METTL15: variants seen among roughly 807,000 people sequenced by gnomAD.
The protein encoded by METTL15 is methyltransferase 15, mitochondrial 12S rRNA N4-cytidine, also known as 12S rRNA N(4)-cytidine methyltransferase METTL15.
In METTL15, 34 loss-of-function variants were observed where a neutral mutation model predicts 38.3. The ratio of observed to expected loss-of-function variants is 0.89; its 90% confidence interval spans 0.68 to 1.18. The LOEUF (loss-of-function observed/expected upper bound fraction) is 1.18. Among genes scored for constraint, METTL15 ranks in the 50% most tolerant of loss-of-function variants. METTL15 has a pLI of 0.00. For missense variants in METTL15, 438 were observed against 498.4 expected, an observed-to-expected ratio of 0.88 and a Z score of 1.15; for synonymous variants, 162 against 170.9, an observed-to-expected ratio of 0.95 and a Z score of 0.41.
chr11:28,396,741 T>G (rs1850573846), intron 5 of METTL15, among the ~76,000 whole-genome samples: 1 of 152,174 alleles, frequency 6.6e-6, no homozygotes, highest in Non-Finnish European at 1.5e-5. Flanking sequence ...AAAAAACTAC[T>G]TTAAAGTTCA....
At chr11:28,326,757 TTTTG>T (rs1337405664) in intron 6 of METTL15, among the ~76,000 whole-genome samples, 1 of 151,746 alleles carries the variant, frequency 6.6e-6, no homozygotes, top group African/African-American at 2.4e-5. Flanking sequence ...TGTAGGATTT[TTTTG>T]TTTTTGTTTT....
chr11:28,145,449 ATTTG>A (rs1166837942), intron 3 of METTL15: 10 of 151,998 alleles, frequency 6.6e-5, no homozygotes, highest in African/African-American at 2.2e-4. Flanking sequence ...CTTATTGGTA[ATTTG>A]TTTGGGAACT....
At chr11:28,532,082 C>T in the METTL15 span, among the ~76,000 whole-genome samples, 3 of 152,200 alleles carry the variant, frequency 2.0e-5, no homozygotes, top group Non-Finnish European at 4.4e-5. Flanking sequence ...TAACTACCTA[C>T]CACCATCATC....
rs879808263 is a variant in METTL15, at chr11:28,168,467, C to CT, written c.271-42584dup. Among the ~76,000 whole-genome samples the CT allele has an allele frequency of 7.1e-4, 102 of 143,258 alleles. 1 individual carries two copies. The highest frequency in any genetic ancestry group is 1.2e-3 in the Admixed American group (17 of 14,272). The allele number at this position is 143,258 out of a possible 152,430, so 94.0% of individuals were successfully genotyped here. On this transcript the variant is annotated intron_variant, in intron 3 of 6. Coordinates refer to ENST00000407364, the MANE Select transcript of METTL15 (RefSeq NM_001113528.2). The stretch of plus-strand genomic sequence containing the variant: ...CAAACAATCAGTAGTTTAAATGATG[C>CT]TTTTTTTTTTTAATTATACTTTAAG...
At chr11:28,244,877 G>T (rs114437362) in intron 4 of METTL15, among the ~76,000 whole-genome samples, 1 of 152,302 alleles carries the variant, frequency 6.6e-6, no homozygotes, top group African/African-American at 2.4e-5. Context: ...AATTAGTAGA[G>T]ATATCCTGTC....
At chr11:28,297,347 A>T (rs182662796) in intron 6 of METTL15, among the ~76,000 whole-genome samples, 2 of 152,198 alleles carry the variant, frequency 1.3e-5, no homozygotes, top group Non-Finnish European at 2.9e-5. Context: ...TCTTAGTTTC[A>T]CATTTCTGCA....
chr11:28,482,130 C>T (rs886076191), intron 6 of METTL15, among the ~76,000 whole-genome samples: 1 of 152,134 alleles, frequency 6.6e-6, no homozygotes, highest in African/African-American at 2.4e-5. Flanking sequence ...TGTCAAATAG[C>T]ATCATCAGCA....
intron 3 of METTL15, among the ~76,000 whole-genome samples, chr11:28,205,942 T>G (rs1216462552): frequency 2.7e-5 from 4 of 148,486 alleles, no homozygotes; most frequent in South Asian, 4.3e-4. Context: ...TCGCCCACTT[T>G]TTGATGGGGT....
At chr11:28,115,897 C>T (rs978321415) in intron 3 of METTL15, among the ~76,000 whole-genome samples, 7 of 148,510 alleles carry the variant, frequency 4.7e-5, no homozygotes, top group African/African-American at 1.0e-4. Context: ...TATACACATA[C>T]ATATATGCAT....
At chr11:28,322,006 T>A (rs891015747) in intron 6 of METTL15, among the ~76,000 whole-genome samples, 2 of 151,900 alleles carry the variant, frequency 1.3e-5, no homozygotes, top group Admixed American at 6.5e-5. Flanking sequence ...TGAAAAAAAA[T>A]TAGATTTGAA....
intron 5 of METTL15, among the ~76,000 whole-genome samples, chr11:28,367,930 T>C (rs533907822): frequency 7.7e-4 from 117 of 151,910 alleles, no homozygotes; most frequent in Non-Finnish European, 1.4e-3. Context: ...TTACAACTTA[T>C]ACAAAAATCA....
chr11:28,217,379 C>T (rs376955838), intron 4 of METTL15, among the ~76,000 whole-genome samples: 7 of 152,186 alleles, frequency 4.6e-5, no homozygotes, highest in East Asian at 1.9e-4. Context: ...AGTGTCTGTT[C>T]GTATCCTTTG....
intron 3 of METTL15, among the ~76,000 whole-genome samples, chr11:28,202,636 T>C (rs1852159371): frequency 3.9e-5 from 6 of 152,130 alleles, no homozygotes; most frequent in Non-Finnish European, 2.9e-5. Context: ...TAGTTCAGCA[T>C]GTGCTTGGCA....
chr11:28,133,676 C>A (rs1301477932), intron 3 of METTL15, among the ~76,000 whole-genome samples: 1 of 152,014 alleles, frequency 6.6e-6, no homozygotes, highest in African/African-American at 2.4e-5. Context: ...CTTAAGCAGC[C>A]CATGGAGAGG....
At chr11:28,366,860 T>A (rs1850191119) in intron 5 of METTL15, among the ~76,000 whole-genome samples, 1 of 152,204 alleles carries the variant, frequency 6.6e-6, no homozygotes, top group African/African-American at 2.4e-5. Flanking sequence ...GACAACAATA[T>A]ATAGTCCAAA....
chr11:28,409,929 G>A (rs1460346506), intron 5 of METTL15, among the ~76,000 whole-genome samples: 2 of 151,822 alleles, frequency 1.3e-5, no homozygotes, highest in African/African-American at 4.8e-5. Flanking sequence ...AAATGAAAAT[G>A]GAGACATTAC....
chr11:28,458,578 A>G (rs1165593179), intron 6 of METTL15, among the ~76,000 whole-genome samples: 1 of 152,198 alleles, frequency 6.6e-6, no homozygotes, highest in Admixed American at 6.5e-5. Flanking sequence ...ACAATGTGCT[A>G]TCTTCATGAA....
intron 6 of METTL15, among the ~76,000 whole-genome samples, chr11:28,430,731 G>T (rs1850915641): frequency 8.6e-6 from 1 of 116,592 alleles, no homozygotes; most frequent in Non-Finnish European, 1.8e-5. Context: ...AGGTGGGGGG[G>T]TCAGCCCTCC....
intron 5 of METTL15, among the ~76,000 whole-genome samples, chr11:28,387,276 G>C (rs1316592296): frequency 1.3e-5 from 2 of 151,698 alleles, no homozygotes; most frequent in Non-Finnish European, 3.0e-5. Flanking sequence ...GTGCTGTTTT[G>C]TTGAAAAGAG....
Sources: gnomAD v4.1 joint callset for allele counts (sites outside exome capture counted in the v4.1 genomes callset) on GRCh38, gnomAD v4.1.1 for gene constraint, MANE v1.5 for transcripts, NCBI Gene and HGNC (gene_info 2026-07-23, HGNC 2026-07-21) for gene names.